The following PWWP3A variants were observed in gnomAD, a reference collection of about 807,000 sequenced individuals.
PWWP3A encodes PWWP domain containing 3A, DNA repair factor.
In PWWP3A, 53 loss-of-function variants were observed where a neutral mutation model predicts 79.0. The ratio of observed to expected loss-of-function variants is 0.67; its 90% CI spans 0.54 to 0.84. The LOEUF is 0.84. Among genes scored for constraint, PWWP3A ranks in the 40% least tolerant of loss-of-function variants. PWWP3A has a pLI of 0.00. For synonymous variants in PWWP3A, 443 were observed against 394.4 expected (o/e 1.12, Z -1.46); for missense variants, 973 against 948.0 (o/e 1.03, Z -0.35).
rs200432426 is a variant in PWWP3A, at chr19:1,375,962, AC to A, written c.2076-555del. On this transcript the variant is annotated intron_variant, in intron 13 of 13. Transcript: ENST00000591337. The stretch of plus-strand genomic sequence containing the variant: ...GTGGCTAGGATTGCAGGTGCCCACT[AC>A]CACGCCTGGCTAATTTTTGTTATTT... Among the ~76,000 whole-genome samples the A allele has an allele frequency of 5.2e-3, 783 of 150,716 alleles. 6 individuals carry two copies. Among genetic ancestry groups the A allele is most frequent in the African/African-American group, 0.018 (750 of 41,016 alleles).
In PWWP3A at chr19:1,360,227, G is replaced by T; in HGVS notation, c.306G>T (p.Ser102=). The part of the protein sequence containing the change: ...RVALDVLSEG[S]IWSQESSAGT... The stretch of plus-strand genomic sequence containing the variant: ...CTCTGGACGTTCTGAGCGAGGGCTC[G>T]ATTTGGAGTCAAGAAAGCTCTGCAG... The change falls in exon 5 of 14, where the codon TCG becomes TCT. Residue 102 remains serine, a synonymous_variant. Coordinates refer to ENST00000591337, the MANE Select transcript of PWWP3A (RefSeq NM_001369789.1). This position sits in a 1 kb window ranked among gnomAD's most constrained non-coding sequence, Gnocchi z 4.4. The T allele has an allele frequency of 6.2e-7, 1 of 1,613,884 alleles. No individual in the cohort carries two copies. Among genetic ancestry groups the T allele is most frequent in the East Asian group, 2.2e-5 (1 of 44,870 alleles).
At chr19:1,357,728 A>G (rs2144692275) in intron 3 of PWWP3A, 1 of 150,704 alleles carries the variant, frequency 6.6e-6, no homozygotes, top group Non-Finnish European at 1.5e-5. Context: ...GAAGGTGTAG[A>G]TCATCTAGAA....
rs116940656 is a variant in PWWP3A at position 1,368,489 on chromosome 19, G to T, written c.1423-776G>T. Among the ~76,000 whole-genome samples the T allele has an allele frequency of 0.017, 2,574 of 152,264 alleles. 27 individuals carry two copies. Among genetic ancestry groups the T allele is most frequent in the Middle Eastern group, 0.034 (10 of 294 alleles). On this transcript the variant is annotated intron_variant, in intron 9 of 13. Transcript: ENST00000591337. This position sits in a 1 kb window ranked among gnomAD's most constrained non-coding sequence, Gnocchi z 4.7. ...GGGAAGCCGTGCTTTAGGAAAGTGC[G>T]GGGGCTGCTGGGCAGGCAGAGAGCG...
At chr19:1,358,056 T>A (rs935950160) in intron 3 of PWWP3A, 2 of 265,510 alleles carry the variant, frequency 7.5e-6, no homozygotes, top group Non-Finnish European at 1.4e-5. Context: ...CAGCTTTTAG[T>A]GACATTACCA....
In PWWP3A at chr19:1,362,267, G is replaced by A; in HGVS notation, c.1129G>A (p.Glu377Lys). ...ATTGGCAGAGTGCCAGTCTTCCGAA[G>A]AGTCCATGGGGTCTAATTCCATGCG... ...KLEKECQSSE[E>K]SMGSNSMRSI... Residue 377 changes from glutamate (E) to lysine (K), a missense_variant, in exon 6 of 14, where the codon GAG becomes AAG. Transcript: ENST00000591337. 1.2e-6 allele frequency: 2 copies of A among 1,612,958 alleles called. No individual in the cohort carries two copies. The highest frequency in any genetic ancestry group is 8.5e-7 in the Non-Finnish European group (1 of 1,179,606).
At chr19:1,366,797 G>A (rs970398764) in intron 8 of PWWP3A, among the ~76,000 whole-genome samples, 10 of 152,224 alleles carry the variant, frequency 6.6e-5, no homozygotes. Context: ...CACGTGGATG[G>A]ATCAGCCGGC....
In PWWP3A at chr19:1,368,411, C is replaced by T. The variant is rs1455551649; in HGVS notation, c.1423-854C>T. Among the ~76,000 whole-genome samples, 8 of 152,210 alleles carry T rather than the reference C, an allele frequency of 5.3e-5. No homozygotes were observed. Among genetic ancestry groups the T allele is most frequent in the African/African-American group, 9.6e-5 (4 of 41,540 alleles). ...TTGTGAGTCAGGTATGTGGTGGTCC[C>T]GAAGCCCACTTGATTCAGTGGTAGT... On this transcript the variant is annotated intron_variant, in intron 9 of 13. Coordinates refer to ENST00000591337, the MANE Select transcript of PWWP3A (RefSeq NM_001369789.1). This position sits in a 1 kb window ranked among gnomAD's most constrained non-coding sequence, Gnocchi z 4.7.
At chr19:1,362,555 G>C (rs899909391) in intron 6 of PWWP3A, among the ~76,000 whole-genome samples, 4 of 152,216 alleles carry the variant, frequency 2.6e-5, no homozygotes, top group Admixed American at 1.3e-4. Flanking sequence ...ACAAAGGGAC[G>C]AGAGACTCCT....
In PWWP3A at chr19:1,377,126, C is replaced by G. The variant is rs1018814799; in HGVS notation, c.*550C>G. On this transcript the variant is annotated 3_prime_UTR_variant, in exon 14 of 14. Transcript: ENST00000591337. ...CCTTCGTTAGAGGCGGGAGCAGAGACGAGCCGCTGCTCTGTGTCGTGTTTG... is the reference window on the plus strand; with the variant it reads ...CCTTCGTTAGAGGCGGGAGCAGAGAGGAGCCGCTGCTCTGTGTCGTGTTTG... 7 of 152,646 alleles carry G rather than the reference C, an allele frequency of 4.6e-5. No individual in the cohort carries two copies. Among genetic ancestry groups the G allele is most frequent in the African/African-American group, 1.2e-4 (5 of 41,382 alleles). The allele number at this position is 152,646 out of a possible 1,614,324, so 9.5% of individuals were successfully genotyped here.
Position 1,367,159 on chromosome 19 carries a change from G to T in PWWP3A, c.1362-1G>T. 1 of 1,611,558 alleles carries T rather than the reference G, an allele frequency of 6.2e-7. No homozygotes were observed. The highest frequency in any genetic ancestry group is 8.5e-7 in the Non-Finnish European group (1 of 1,178,730). ...TAACTTTTCCCTCTCTCTGCTTCAAGTTTCACAGTGTCTCTTAAAAGTTTA... is the reference window on the plus strand; with the variant it reads ...TAACTTTTCCCTCTCTCTGCTTCAATTTTCACAGTGTCTCTTAAAAGTTTA... On this transcript the variant is annotated splice_acceptor_variant, in intron 8 of 13. Coordinates refer to ENST00000591337, the MANE Select transcript of PWWP3A (RefSeq NM_001369789.1). LOFTEE classifies it high-confidence loss of function.
chr19:1,376,757 G>A lies in PWWP3A; in HGVS notation c.*181G>A. The A allele has an allele frequency of 2.0e-6, 1 of 499,190 alleles. No homozygotes were observed. Among genetic ancestry groups the A allele is most frequent in the Non-Finnish European group, 3.5e-6 (1 of 281,752 alleles). 30.9% of individuals were successfully genotyped at this position (499,190 alleles called of 1,614,324 possible). A position where few individuals can be genotyped will look rare whatever the true frequency, so the allele number is the denominator to read the frequency against. ...AGAATCCATTTCGTTAACACTGAAAGCCAGTTCTCTTTTCCTGGCAGTTTT... is the reference window on the plus strand; with the variant it reads ...AGAATCCATTTCGTTAACACTGAAAACCAGTTCTCTTTTCCTGGCAGTTTT... On this transcript the variant is annotated 3_prime_UTR_variant, in exon 14 of 14. Coordinates refer to ENST00000591337, the MANE Select transcript of PWWP3A (RefSeq NM_001369789.1).
intron 1 of PWWP3A, 164 bp from the exon 2 acceptor site, chr19:1,356,160 T>G: frequency 1.8e-6 from 1 of 545,310 alleles, no homozygotes. Context: ...CCGTCGTTTC[T>G]GTTTGTCAGT....
intron 4 of PWWP3A, chr19:1,358,892 A>C (rs1252277741): frequency 1.8e-5 from 7 of 388,806 alleles, no homozygotes; most frequent in Non-Finnish European, 3.6e-5. Flanking sequence ...GTGTGTTTAA[A>C]ATTCCAGAGC....
chr19:1,360,136 C>A lies in PWWP3A; in HGVS notation c.215C>A (p.Ala72Asp). ...CATTGTGTATGTTCGGTCCTTGCAGCCTCACAGAATGAGGTTCCTGCGGCA... is the reference window on the plus strand; with the variant it reads ...CATTGTGTATGTTCGGTCCTTGCAGACTCACAGAATGAGGTTCCTGCGGCA... ...SQIEAIASSL[A>D]SQNEVPAAPL... is the part of the protein sequence containing the mutation. The change falls in exon 5 of 14, where the codon GCC becomes GAC. Residue 72 changes from alanine to aspartate, a missense_variant and splice_region_variant. Coordinates refer to ENST00000591337, the MANE Select transcript of PWWP3A (RefSeq NM_001369789.1). The surrounding 1 kb of genome is among the most constrained non-coding windows in gnomAD (Gnocchi z 4.4). 4 of 1,550,630 alleles carry A rather than the reference C, an allele frequency of 2.6e-6. No individual in the cohort carries two copies. The highest frequency in any genetic ancestry group is 3.5e-6 in the Non-Finnish European group (4 of 1,150,080).
intron 3 of PWWP3A, 154 bp from the exon 4 acceptor site, chr19:1,358,240 G>T: frequency 1.6e-6 from 1 of 638,272 alleles, no homozygotes; most frequent in Non-Finnish European, 2.7e-6. Flanking sequence ...GTAACCTCAG[G>T]CAGATGAATT....
chr19:1,360,153 C>A lies in PWWP3A; in HGVS notation c.232C>A (p.Pro78Thr), dbSNP rs767523717. The change falls in exon 5 of 14, where the codon CCT (proline) becomes ACT (threonine). Residue 78 changes from proline to threonine, a missense_variant. By Grantham distance (38) the Pro-to-Thr change is conservative. Transcript: ENST00000591337. The surrounding 1 kb of genome is among the most constrained non-coding windows in gnomAD (Gnocchi z 4.4). ...ASSLASQNEVPAAPLEELAYR... is the reference protein window; with the variant it reads ...ASSLASQNEVTAAPLEELAYR... ...CCTTGCAGCCTCACAGAATGAGGTT[C>A]CTGCGGCACCCCTGGAAGAACTGGC... is the stretch of plus-strand genomic sequence containing the variant. The A allele has an allele frequency of 6.4e-6, 10 of 1,563,484 alleles. No individual in the cohort carries two copies. Among genetic ancestry groups the A allele is most frequent in the Middle Eastern group, 3.5e-4 (2 of 5,792 alleles).
chr19:1,356,797 CA>C (rs2081881784), intron 2 of PWWP3A, among the ~76,000 whole-genome samples: 1 of 152,188 alleles, frequency 6.6e-6, no homozygotes, highest in African/African-American at 2.4e-5. Flanking sequence ...TGCTCAGCTG[CA>C]ATGCAAAAGC....
rs552615128 is a variant in PWWP3A at position 1,366,488 on chromosome 19, A to C, written c.1361+107A>C. 621 of 1,009,776 alleles carry C rather than the reference A, an allele frequency of 6.1e-4. 2 individuals are homozygous for C. The African/African-American group carries it at 8.5e-3, about 14-fold the overall frequency. 62.6% of individuals were successfully genotyped at this position (1,009,776 alleles called of 1,614,324 possible). On this transcript the variant is annotated intron_variant, in intron 8 of 13. Coordinates refer to ENST00000591337, the MANE Select transcript of PWWP3A (RefSeq NM_001369789.1). Reference sequence around the variant, plus strand: ...GGAGGGACAGAGGGGAGGCCCCGGCAGGAGTCCAGGCCCGGGCAGGGCTAG... The same window carrying C: ...GGAGGGACAGAGGGGAGGCCCCGGCCGGAGTCCAGGCCCGGGCAGGGCTAG...
At chr19:1,371,683 A>G (rs886259508) in intron 12 of PWWP3A, among the ~76,000 whole-genome samples, 1 of 152,120 alleles carries the variant, frequency 6.6e-6, no homozygotes, top group Non-Finnish European at 1.5e-5. Flanking sequence ...AACATACTCA[A>G]AACTATTTAA....
Sources: allele counts gnomAD v4.1 joint callset (sites outside exome capture counted in the v4.1 genomes callset), GRCh38; gene constraint gnomAD v4.1.1; non-coding constraint Gnocchi (gnomAD v3.1); transcripts MANE v1.5; gene names NCBI Gene and HGNC (gene_info 2026-07-23, HGNC 2026-07-21).